The following TRPM4 variants were observed in gnomAD, a reference collection of about 807,000 sequenced individuals.
TRPM4 encodes transient receptor potential cation channel subfamily M member 4.
Under a neutral mutation model 135.6 loss-of-function variants are expected in TRPM4, and 124 were observed. The ratio of observed to expected loss-of-function variants is 0.91; its 90% CI spans 0.79 to 1.06. The LOEUF (loss-of-function observed/expected upper bound fraction) is 1.06, where lower values mean the gene tolerates loss of function less well. Among genes scored for constraint, TRPM4 ranks in the 50% least tolerant of loss-of-function variants. TRPM4 has a pLI of 0.00. For missense variants in TRPM4, 1,658 were observed against 1,671.4 expected, an observed-to-expected ratio of 0.99 and a Z score of 0.14; for synonymous variants, 745 against 705.6, an observed-to-expected ratio of 1.06 and a Z score of -0.88.
At chr19:49,175,700 G>A (rs1367830471) in intron 9 of TRPM4, among the ~76,000 whole-genome samples, 4 of 143,336 alleles carry the variant, frequency 2.8e-5, no homozygotes, top group East Asian at 2.0e-4. Flanking sequence ...TCGCTCTGTC[G>A]CCCAGGCTGG....
At chr19:49,200,194 G>C (rs561693113) in intron 17 of TRPM4, 106 bp from the exon 18 acceptor site, 12 of 1,565,796 alleles carry the variant, frequency 7.7e-6, no homozygotes, top group African/African-American at 2.7e-5. Flanking sequence ...TCCTGGTCCT[G>C]CCCGGTGGAG....
At chr19:49,175,067 CTTTTTTT>C (rs772062913) in intron 9 of TRPM4, among the ~76,000 whole-genome samples, 18,696 of 77,120 alleles carry the variant, frequency 0.24, 1,520 homozygotes, top group South Asian at 0.35. Context: ...TCATGCCTGG[CTTTTTTT>C]TTTTTTTTTT....
chr19:49,159,864 A>G (rs1287618197), intron 2 of TRPM4: 2 of 152,200 alleles, frequency 1.3e-5, no homozygotes, highest in African/African-American at 2.4e-5. Flanking sequence ...TTATGACTAT[A>G]TATTAGTGCA....
chr19:49,163,481 A>G (rs1967049059), intron 2 of TRPM4, among the ~76,000 whole-genome samples: 1 of 151,978 alleles, frequency 6.6e-6, no homozygotes, highest in Non-Finnish European at 1.5e-5. Flanking sequence ...GTCATGAGCC[A>G]CCATGCCCGG....
intron 12 of TRPM4, among the ~76,000 whole-genome samples, chr19:49,187,501 C>A (rs1968240178): frequency 6.6e-6 from 1 of 151,498 alleles, no homozygotes. Flanking sequence ...CAGACCACCA[C>A]GCCTGGCTAA....
chr19:49,204,974 C>T (rs1400364071), intron 20 of TRPM4, among the ~76,000 whole-genome samples: 5 of 101,216 alleles, frequency 4.9e-5, no homozygotes, highest in South Asian at 3.0e-4. Flanking sequence ...ATTTCATTGG[C>T]TTTGGTTGTT....
In TRPM4 at chr19:49,168,290, C is replaced by A; in HGVS notation, c.479C>A (p.Thr160Lys). 1 of 1,614,176 alleles carries A rather than the reference C, an allele frequency of 6.2e-7. No individual in the cohort carries two copies. Reference sequence around the variant, plus strand: ...TGGATTGTCACTGGGGGTCTGCACACGGGCATCGGCCGGCATGTTGGTGTG... The same window carrying A: ...TGGATTGTCACTGGGGGTCTGCACAAGGGCATCGGCCGGCATGTTGGTGTG... Reference protein sequence around the residue: ...GAWIVTGGLHTGIGRHVGVAV... With the variant: ...GAWIVTGGLHKGIGRHVGVAV... Residue 160 changes from threonine (T) to lysine (K), a missense_variant, in exon 5 of 25, where the codon ACG becomes AAG. Transcript: ENST00000252826.
intron 6 of TRPM4, 133 bp downstream of exon 6, chr19:49,168,869 C>G: frequency 9.4e-7 from 1 of 1,059,864 alleles, no homozygotes; most frequent in Non-Finnish European, 1.4e-6. Context: ...CGTCATTATT[C>G]ATGGTTTTAA....
chr19:49,159,017 C>G (rs1294008100), intron 2 of TRPM4: 6 of 140,944 alleles, frequency 4.3e-5, no homozygotes, highest in African/African-American at 1.3e-4. Flanking sequence ...CGGATCCAGG[C>G]TTTCTAGTTT....
intron 9 of TRPM4, 29 bp downstream of exon 9, chr19:49,172,137 C>G (rs371937117): frequency 6.5e-7 from 1 of 1,547,980 alleles, no homozygotes; most frequent in Non-Finnish European, 8.9e-7. Flanking sequence ...AGTCTTCCCC[C>G]TCTCTCAGTT....
chr19:49,182,184 T>C (rs1336691308), intron 10 of TRPM4, among the ~76,000 whole-genome samples: 9 of 108,418 alleles, frequency 8.3e-5, no homozygotes, highest in Admixed American at 9.4e-5. Flanking sequence ...ACCTATCCAT[T>C]CATCCATACA....
chr19:49,197,424 TTTTC>T (rs1420204311), intron 17 of TRPM4, among the ~76,000 whole-genome samples: 4 of 150,346 alleles, frequency 2.7e-5, no homozygotes, highest in Non-Finnish European at 5.9e-5. Flanking sequence ...TCTTTTTCTC[TTTTC>T]TTTCTCTCTC....
chr19:49,173,906 C>T (rs1044229771), intron 9 of TRPM4, among the ~76,000 whole-genome samples: 4 of 152,030 alleles, frequency 2.6e-5, no homozygotes, highest in African/African-American at 9.7e-5. Flanking sequence ...CTGGCCTCAA[C>T]TGATCCTCCT....
At position 49,171,626 on chromosome 19, in the gene TRPM4, G is replaced by T; in HGVS notation, c.907G>T (p.Gly303Cys). 11 of 1,614,032 alleles carry T rather than the reference G, an allele frequency of 6.8e-6. No homozygotes were observed. The highest frequency in any genetic ancestry group is 9.3e-6 in the Non-Finnish European group (11 of 1,180,030). Residue 303 changes from glycine to cysteine, a missense_variant, in exon 8 of 25, where the codon GGC becomes TGC. Physicochemically the swap from Gly to Cys is radical, Grantham distance 159. Around this residue, in one of 3 missense-constraint regions of TRPM4, gnomAD observed 1,412 missense variants for 1,408.7 expected, o/e 1.00. Transcript: ENST00000252826. This position sits in a 1 kb window ranked among gnomAD's most constrained non-coding sequence, Gnocchi z 4.7. Reference sequence around the variant, plus strand: ...TCAGCTCCCATGTCTCCTCGTGGCTGGCTCAGGGGGAGCTGCGGACTGCCT... The same window carrying T: ...TCAGCTCCCATGTCTCCTCGTGGCTTGCTCAGGGGGAGCTGCGGACTGCCT... ...QAQLPCLLVA[G>C]SGGAADCLAE...
At chr19:49,197,292 CTTTCTCTTTCTTTCTTTT>C (rs1968693820) in intron 17 of TRPM4, among the ~76,000 whole-genome samples, 3 of 123,316 alleles carry the variant, frequency 2.4e-5, no homozygotes, top group South Asian at 3.0e-4. Context: ...TTCTTTCTTT[CTTTCTCTTTCTTTCTTTT>C]TCTTTCTTTC....
chr19:49,210,702 C>T lies in TRPM4; in HGVS notation c.3329-8C>T, dbSNP rs369748756. ...GCCTGAGCCCTTTGACTCCGCCCGC[C>T]CCTGCAGGGGTTTACCTTTCTAAGG... On this transcript the variant is annotated splice_polypyrimidine_tract_variant and splice_region_variant and intron_variant, in intron 21 of 24. Coordinates refer to ENST00000252826, the MANE Select transcript of TRPM4 (RefSeq NM_017636.4). The surrounding 1 kb of genome is among the most constrained non-coding windows in gnomAD (Gnocchi z 4.1). The T allele has an allele frequency of 1.9e-6, 3 of 1,613,952 alleles. No homozygotes were observed. Among genetic ancestry groups the T allele is most frequent in the Non-Finnish European group, 2.5e-6 (3 of 1,180,036 alleles).
intron 9 of TRPM4, among the ~76,000 whole-genome samples, chr19:49,175,781 C>T (rs1467648354): frequency 6.6e-6 from 1 of 151,086 alleles, no homozygotes; most frequent in Non-Finnish European, 1.5e-5. Context: ...CTCCCTCAGC[C>T]TCCCGAGTAG....
Position 49,200,551 on chromosome 19 carries a change from T to C in TRPM4, c.2779-60T>C, listed in dbSNP as rs186630178. 6,830 of 1,602,918 alleles carry C rather than the reference T, an allele frequency of 4.3e-3. 12 individuals are homozygous for C. The highest frequency in any genetic ancestry group is 5.2e-3 in the Non-Finnish European group (6,163 of 1,178,934). On this transcript the variant is annotated intron_variant, in intron 18 of 24. Transcript: ENST00000252826. ...GGAGCAATGGGGCGTGTTTTTGGGA[T>C]ATAGGGGTGGGGCCAGAGTAGGAAA...
intron 19 of TRPM4, among the ~76,000 whole-genome samples, 196 bp from the exon 20 acceptor site, chr19:49,201,767 GT>G (rs1314349329): frequency 1.3e-5 from 2 of 152,020 alleles, no homozygotes; most frequent in African/African-American, 2.4e-5. Flanking sequence ...CTGGCTAACA[GT>G]TTTGTGTTTT....
Sources: allele counts gnomAD v4.1 joint callset (sites outside exome capture counted in the v4.1 genomes callset), GRCh38; gene constraint gnomAD v4.1.1; regional missense constraint gnomAD v4.1.1; non-coding constraint Gnocchi (gnomAD v3.1); transcripts MANE v1.5; gene names NCBI Gene and HGNC (gene_info 2026-07-23, HGNC 2026-07-21).